The following RPS6KC1 variants were observed in gnomAD, a reference collection of about 807,000 sequenced individuals.
The protein encoded by RPS6KC1 is ribosomal protein S6 kinase C1, also known as inactive ribosomal protein S6 kinase delta-1.
RPS6KC1 carries 54 observed loss-of-function variants against 103.8 expected under a neutral mutation model. That is an observed-to-expected ratio of 0.52 (90% CI 0.42 to 0.65). The LOEUF (loss-of-function observed/expected upper bound fraction) is 0.65, where lower values mean the gene tolerates loss of function less well. RPS6KC1 is among the 30% of genes least tolerant of loss of function. The pLI is 0.00. For missense variants in RPS6KC1, 1,151 were observed against 1,253.8 expected, an observed-to-expected ratio of 0.92 and a Z score of 1.24; for synonymous variants, 439 against 438.7, an observed-to-expected ratio of 1.00 and a Z score of -0.01.
chr1:213,515,729 A>G, the RPS6KC1 span, among the ~76,000 whole-genome samples: 2 of 152,098 alleles, frequency 1.3e-5, no homozygotes, highest in African/African-American at 4.8e-5. Flanking sequence ...TTTTGATTCC[A>G]TATGAACTTT....
the RPS6KC1 span, among the ~76,000 whole-genome samples, chr1:213,505,151 C>T: frequency 1.9e-3 from 290 of 152,298 alleles, no homozygotes; most frequent in Non-Finnish European, 3.3e-3. Flanking sequence ...CCCCTGAGAT[C>T]CTATTCTATG....
chr1:213,632,649 A>G, the RPS6KC1 span, among the ~76,000 whole-genome samples: 1 of 152,254 alleles, frequency 6.6e-6, no homozygotes, highest in African/African-American at 2.4e-5. Context: ...CCTCCAAAGG[A>G]TCGCAGCTCC....
intron 1 of RPS6KC1, among the ~76,000 whole-genome samples, chr1:213,063,636 A>G (rs1453557151): frequency 6.6e-6 from 1 of 152,226 alleles, no homozygotes; most frequent in Non-Finnish European, 1.5e-5. Context: ...ATAAATAATG[A>G]GGATGATAAT....
chr1:213,228,164 G>A (rs1418119486), intron 8 of RPS6KC1, among the ~76,000 whole-genome samples: 1 of 152,208 alleles, frequency 6.6e-6, no homozygotes, highest in African/African-American at 2.4e-5. Flanking sequence ...GTGTTACTGA[G>A]AGCTAGAGTG....
the RPS6KC1 span, chr1:213,820,645 A>C: frequency 6.6e-6 from 1 of 152,142 alleles, no homozygotes; most frequent in Admixed American, 6.5e-5. Context: ...TTCGGATTGG[A>C]GAAGGCCCAG....
At chr1:213,738,589 T>C in the RPS6KC1 span, among the ~76,000 whole-genome samples, 1 of 152,042 alleles carries the variant, frequency 6.6e-6, no homozygotes, top group East Asian at 1.9e-4. Flanking sequence ...AATGTGTAAA[T>C]ATATAAATAT....
At chr1:213,603,031 T>A in the RPS6KC1 span, among the ~76,000 whole-genome samples, 3 of 152,220 alleles carry the variant, frequency 2.0e-5, no homozygotes, top group African/African-American at 7.2e-5. Flanking sequence ...TAGTGGAACC[T>A]CCAACTATCC....
At chr1:213,343,849 T>C in the RPS6KC1 span, among the ~76,000 whole-genome samples, 1 of 151,982 alleles carries the variant, frequency 6.6e-6, no homozygotes, top group South Asian at 2.1e-4. Context: ...GAAAATATTG[T>C]TAATGAAAGA....
At chr1:213,371,327 C>A in the RPS6KC1 span, among the ~76,000 whole-genome samples, 1 of 152,202 alleles carries the variant, frequency 6.6e-6, no homozygotes, top group Non-Finnish European at 1.5e-5. Context: ...TATGTAGACA[C>A]CACATTTTGT....
chr1:213,731,060 C>G, the RPS6KC1 span, among the ~76,000 whole-genome samples: 3 of 152,096 alleles, frequency 2.0e-5, no homozygotes, highest in Admixed American at 6.6e-5. Context: ...TTAGGCTTGT[C>G]GAAGATCAGA....
At chr1:213,485,288 G>T in the RPS6KC1 span, among the ~76,000 whole-genome samples, 1 of 152,216 alleles carries the variant, frequency 6.6e-6, no homozygotes, top group Non-Finnish European at 1.5e-5. Flanking sequence ...TGAGGAAGTT[G>T]TGGGATTTAT....
At chr1:213,341,729 C>G in the RPS6KC1 span, among the ~76,000 whole-genome samples, 1 of 152,138 alleles carries the variant, frequency 6.6e-6, no homozygotes, top group Non-Finnish European at 1.5e-5. Flanking sequence ...TTGTCTTTGT[C>G]TCATGGATAA....
chr1:213,257,991 AT>A (rs2094692389), intron 12 of RPS6KC1, among the ~76,000 whole-genome samples: 2 of 147,522 alleles, frequency 1.4e-5, no homozygotes, highest in African/African-American at 2.5e-5. Context: ...TTTATTTTTT[AT>A]TTTTTTTGAG....
intron 7 of RPS6KC1, among the ~76,000 whole-genome samples, chr1:213,175,152 C>T (rs1472292961): frequency 6.6e-6 from 1 of 152,148 alleles, no homozygotes; most frequent in African/African-American, 2.4e-5. Context: ...ACCTCCCTCC[C>T]TAGATTCCCT....
chr1:213,203,074 A>G (rs1464262734), intron 8 of RPS6KC1, among the ~76,000 whole-genome samples: 1 of 152,160 alleles, frequency 6.6e-6, no homozygotes, highest in Non-Finnish European at 1.5e-5. Flanking sequence ...TAAACTCTCC[A>G]GAAATATTAC....
At chr1:213,568,657 A>G in the RPS6KC1 span, among the ~76,000 whole-genome samples, 2 of 152,266 alleles carry the variant, frequency 1.3e-5, no homozygotes, top group Admixed American at 6.5e-5. Flanking sequence ...TCTGCAGTAA[A>G]CAATATCATG....
intron 8 of RPS6KC1, among the ~76,000 whole-genome samples, chr1:213,178,581 A>C (rs1350015715): frequency 1.3e-5 from 2 of 152,062 alleles, no homozygotes; most frequent in African/African-American, 2.4e-5. Flanking sequence ...ACAACAAAAC[A>C]GGAAAGAAAG....
At chr1:213,157,092 T>C (rs1304681319) in intron 6 of RPS6KC1, among the ~76,000 whole-genome samples, 2 of 152,338 alleles carry the variant, frequency 1.3e-5, no homozygotes, top group East Asian at 3.9e-4. Context: ...AATTTAGATA[T>C]ATTGCTTTCA....
chr1:213,583,346 A>T, the RPS6KC1 span, among the ~76,000 whole-genome samples: 7 of 152,236 alleles, frequency 4.6e-5, no homozygotes, highest in African/African-American at 1.7e-4. Context: ...CTACTTCTCA[A>T]AGTGGTTGAA....
Sources: gnomAD v4.1 joint callset for allele counts (sites outside exome capture counted in the v4.1 genomes callset) on GRCh38, gnomAD v4.1.1 for gene constraint, MANE v1.5 for transcripts, NCBI Gene and HGNC (gene_info 2026-07-23, HGNC 2026-07-21) for gene names.